The following DNAH2 variants were observed in gnomAD, a reference collection of about 807,000 sequenced individuals.
The protein encoded by DNAH2 is axonemal beta dynein heavy chain 2.
In DNAH2, 323 loss-of-function variants were observed where a neutral mutation model predicts 523.5. That is an observed-to-expected ratio of 0.62 (90% CI 0.56 to 0.68). DNAH2 has a LOEUF of 0.68. Among genes scored for constraint, DNAH2 ranks in the 30% least tolerant of loss-of-function variants. The pLI is 0.00. For missense variants in DNAH2, 4,907 were observed against 5,701.5 expected, an observed-to-expected ratio of 0.86 and a Z score of 4.49; for synonymous variants, 2,093 against 2,177.4, an observed-to-expected ratio of 0.96 and a Z score of 1.08.
At chr17:7,826,176 C>T (rs548030353) in intron 77 of DNAH2, among the ~76,000 whole-genome samples, 5 of 152,312 alleles carry the variant, frequency 3.3e-5, no homozygotes, top group South Asian at 2.1e-4. Flanking sequence ...TGCGCCACTA[C>T]GCCCTACTAA....
chr17:7,802,417 C>T (rs974243018), intron 58 of DNAH2, among the ~76,000 whole-genome samples: 5 of 152,136 alleles, frequency 3.3e-5, no homozygotes, highest in Admixed American at 2.0e-4. Flanking sequence ...CCTCAGCATC[C>T]GTGGGGGATT....
rs1435628409 is a variant in DNAH2 at position 7,793,170 on chromosome 17, T to G, written c.7534T>G (p.Tyr2512Asp). 6.2e-7 allele frequency: 1 copy of G among 1,614,186 alleles called. No individual in the cohort carries two copies. Among genetic ancestry groups the G allele is most frequent in the Non-Finnish European group, 8.5e-7 (1 of 1,180,042 alleles). ...IRLWIDYGFW[Y>D]DRTKQTIKYI... ...CCTCTGGATTGACTATGGCTTCTGG[T>G]ATGACCGTACGAAGCAGACCATCAA... Residue 2512 changes from tyrosine (Y) to aspartate (D), a missense_variant, in exon 48 of 86, where the codon TAT (tyrosine) becomes GAT (aspartate). Tyr to Asp is a radical substitution (Grantham distance 160). Transcript: ENST00000572933.
chr17:7,741,232 CTCTCTCTTTCTTTCTTTCTTTCTTTCTT>C (rs2075307794), intron 11 of DNAH2, among the ~76,000 whole-genome samples: 3 of 119,348 alleles, frequency 2.5e-5, no homozygotes, highest in Non-Finnish European at 3.7e-5. Flanking sequence ...TTTTTTTTCT[CTCTCTCTTTCTTTCTTTCTTTCTTTCTT>C]TCTTTCTTTC....
Position 7,733,188 on chromosome 17 carries a change from T to G in DNAH2, c.501T>G (p.Tyr167Ter). Residue 167 changes from tyrosine (Y) to a stop codon, truncating the protein, a stop_gained, in exon 5 of 86, where the codon TAT becomes TAG. Coordinates refer to ENST00000572933, the MANE Select transcript of DNAH2 (RefSeq NM_020877.5). LOFTEE classifies it high-confidence loss of function. ...TVQFGTVRGP[Y>*]IPALLRLLGG... is the part of the protein sequence containing the mutation. ...AGTTTGGGACGGTGCGGGGCCCCTA[T>G]ATCCCGGCCCTGCTTCGGCTGCTCG... The G allele has an allele frequency of 6.2e-7, 1 of 1,614,224 alleles. No homozygotes were observed.
Position 7,760,930 on chromosome 17 carries a change from C to T in DNAH2, c.2976C>T (p.Ala992=). The change falls in exon 18 of 86, where the codon GCC becomes GCT. Residue 992 remains alanine (A), a splice_region_variant and synonymous_variant. Transcript: ENST00000572933. The surrounding 1 kb of genome is among the most constrained non-coding windows in gnomAD (Gnocchi z 4.0). ...PPVSSFVADI[A]RYTEVANNVQ... Reference sequence around the variant, plus strand: ...TCTCTTCTTTTGTTGCCGACATTGCCCGGTGAGTGGTGAGGGTGGATTGAA... The same window carrying T: ...TCTCTTCTTTTGTTGCCGACATTGCTCGGTGAGTGGTGAGGGTGGATTGAA... 8 of 1,613,778 alleles carry T rather than the reference C, an allele frequency of 5.0e-6. No individual in the cohort carries two copies. Among genetic ancestry groups the T allele is most frequent in the Non-Finnish European group, 6.8e-6 (8 of 1,179,848 alleles).
rs150927708 is a variant in DNAH2 at position 7,818,729 on chromosome 17, C to T, written c.10623C>T (p.Ile3541=). The change falls in exon 70 of 86, where the codon ATC becomes ATT. Residue 3541 remains isoleucine (I), a synonymous_variant. Transcript: ENST00000572933. ...AGAAGGACTCACTGGTCATCAACAT[C>T]GCGGCTGGTAAAAGGAAGCTCAAGG... ...EEQKDSLVIN[I]AAGKRKLKEL... 13 of 1,614,086 alleles carry T rather than the reference C, an allele frequency of 8.1e-6. No homozygotes were observed. Among genetic ancestry groups the T allele is most frequent in the East Asian group, 4.5e-5 (2 of 44,874 alleles).
At chr17:7,719,137 T>C (rs2074515426) in intron 1 of DNAH2, among the ~76,000 whole-genome samples, 1 of 151,164 alleles carries the variant, frequency 6.6e-6, no homozygotes, top group Non-Finnish European at 1.5e-5. Context: ...CTTTTTTTTT[T>C]TTTTTTTTGA....
chr17:7,754,412 T>C lies in DNAH2; in HGVS notation c.1905-2679T>C. The C allele has an allele frequency of 1.6e-6, 1 of 643,312 alleles. No homozygotes were observed. Among genetic ancestry groups the C allele is most frequent in the Non-Finnish European group, 2.8e-6 (1 of 361,248 alleles). The allele number at this position is 643,312 out of a possible 1,614,324, so 39.9% of individuals were successfully genotyped here. Reference sequence around the variant, plus strand: ...TGCAGACATGGCCAAGTCCACACCATACACCACCAGTCCCGAAAATGGCAC... The same window carrying C: ...TGCAGACATGGCCAAGTCCACACCACACACCACCAGTCCCGAAAATGGCAC... On this transcript the variant is annotated intron_variant, in intron 12 of 85. Coordinates refer to ENST00000572933, the MANE Select transcript of DNAH2 (RefSeq NM_020877.5). This position sits in a 1 kb window ranked among gnomAD's most constrained non-coding sequence, Gnocchi z 4.6.
intron 2 of DNAH2, among the ~76,000 whole-genome samples, chr17:7,722,976 TTTTTTTTTTTGAGACA>T (rs1225231445): frequency 7.0e-6 from 1 of 142,082 alleles, no homozygotes; most frequent in Non-Finnish European, 1.5e-5. Context: ...TTTTTTTTTT[TTTTTTTTTTTGAGACA>T]GAGTCTTCGC....
At chr17:7,791,411 T>A (rs1305118181) in intron 44 of DNAH2, among the ~76,000 whole-genome samples, 1 of 152,216 alleles carries the variant, frequency 6.6e-6, no homozygotes, top group African/African-American at 2.4e-5. Context: ...TCATGCTATA[T>A]ACTGCAACAT....
rs1330709722 is a variant in DNAH2, at chr17:7,757,115, A to G, written c.1929A>G (p.Glu643=). The G allele has an allele frequency of 3.1e-6, 5 of 1,614,054 alleles. No individual in the cohort carries two copies. In the South Asian group the frequency reaches 3.3e-5, roughly 11 times the overall value. ...FDKSLLILFA[E]IDYWERLLFE... Reference sequence around the variant, plus strand: ...GGTCCCTTCTGATTCTCTTTGCGGAAATTGACTACTGGGAGCGGCTGCTGT... The same window carrying G: ...GGTCCCTTCTGATTCTCTTTGCGGAGATTGACTACTGGGAGCGGCTGCTGT... The change falls in exon 13 of 86, where the codon GAA becomes GAG. Residue 643 remains glutamate (E), a synonymous_variant. Coordinates refer to ENST00000572933, the MANE Select transcript of DNAH2 (RefSeq NM_020877.5).
At position 7,797,455 on chromosome 17, in the gene DNAH2, A is replaced by G; in HGVS notation, c.8005A>G (p.Ile2669Val). 6.2e-7 allele frequency: 1 copy of G among 1,614,196 alleles called. No homozygotes were observed. Among genetic ancestry groups the G allele is most frequent in the Non-Finnish European group, 8.5e-7 (1 of 1,180,046 alleles). Residue 2669 changes from isoleucine to valine, a missense_variant, in exon 52 of 86, where the codon ATA becomes GTA. By Grantham distance (29) the Ile-to-Val change is conservative (BLOSUM62 3). This residue lies in a region of DNAH2 where 250 missense variants were observed against 371.3 expected (regional missense o/e 0.67). Coordinates refer to ENST00000572933, the MANE Select transcript of DNAH2 (RefSeq NM_020877.5). ...AADTEAFMGIISDKLGSFFDL... is the reference protein window; with the variant it reads ...AADTEAFMGIVSDKLGSFFDL... ...AGACACAGAAGCCTTCATGGGCATC[A>G]TAAGCGACAAGCTCGGCTCCTTCTT...
In DNAH2 at chr17:7,760,948, G is replaced by A. The variant is rs201747492; in HGVS notation, c.2978+16G>A. 3,295 of 1,603,458 alleles carry A rather than the reference G, an allele frequency of 2.1e-3. 63 individuals are homozygous for A. The South Asian group carries it at 0.024, about 12-fold the overall frequency. ...ACATTGCCCGGTGAGTGGTGAGGGT[G>A]GATTGAAAGTCTGTCTGTAGGAGGC... On this transcript the variant is annotated intron_variant, in intron 18 of 85. Coordinates refer to ENST00000572933, the MANE Select transcript of DNAH2 (RefSeq NM_020877.5). This position sits in a 1 kb window ranked among gnomAD's most constrained non-coding sequence, Gnocchi z 4.0.
At chr17:7,722,105 CCT>C (rs2074628332) in intron 2 of DNAH2, among the ~76,000 whole-genome samples, 1 of 151,988 alleles carries the variant, frequency 6.6e-6, no homozygotes, top group South Asian at 2.1e-4. Flanking sequence ...TTCAAGCAAT[CCT>C]CCTGCCTCAG....
chr17:7,738,945 G>A (rs1185278881), intron 8 of DNAH2: 2 of 702,112 alleles, frequency 2.8e-6, no homozygotes, highest in Admixed American at 4.0e-5. Flanking sequence ...GTCGGGGCTG[G>A]GTCCTAGATC....
chr17:7,735,906 C>T (rs889692767), intron 7 of DNAH2, among the ~76,000 whole-genome samples: 5 of 151,924 alleles, frequency 3.3e-5, no homozygotes, highest in Non-Finnish European at 5.9e-5. Context: ...GTGCCCACCA[C>T]CATGCCTGGC....
At position 7,772,605 on chromosome 17, in the gene DNAH2, T is replaced by A. The variant is rs148388178; in HGVS notation, c.4501+1137T>A. 2.1e-4 allele frequency among the ~76,000 whole-genome samples: 32 copies of A among 152,244 alleles called. 1 individual carries two copies. The East Asian group carries it at 5.8e-3, about 28-fold the overall frequency. On this transcript the variant is annotated intron_variant, in intron 28 of 85. Transcript: ENST00000572933. ...ACCTCTGAGTTCACACTCACTAGTG[T>A]CCCTCCTTTCTTCAGAAAGCTAGGA...
chr17:7,780,781 A>G lies in DNAH2; in HGVS notation c.6002A>G (p.Glu2001Gly), dbSNP rs780140964. 1.2e-6 allele frequency: 2 copies of G among 1,614,204 alleles called. No individual in the cohort carries two copies. The highest frequency in any genetic ancestry group is 1.1e-5 in the South Asian group (1 of 91,088). Residue 2001 changes from glutamate to glycine, a missense_variant and splice_region_variant, in exon 38 of 86, where the codon GAG becomes GGG. Coordinates refer to ENST00000572933, the MANE Select transcript of DNAH2 (RefSeq NM_020877.5). The surrounding 1 kb of genome is among the most constrained non-coding windows in gnomAD (Gnocchi z 4.4). ...RRLQPDLTDE[E>G]VLLLSMRDMN... The stretch of plus-strand genomic sequence containing the variant: ...CTACAGCCGGATCTGACTGATGAAG[A>G]GGTAGAGCAAGGACACAGCCTTTGG...
At chr17:7,781,899 C>T (rs190466497) in intron 39 of DNAH2, among the ~76,000 whole-genome samples, 1 of 152,330 alleles carries the variant, frequency 6.6e-6, no homozygotes, top group East Asian at 1.9e-4. Flanking sequence ...TTTTAGAAAG[C>T]ATAAGAACTT....
Sources: gnomAD v4.1 joint callset for allele counts (sites outside exome capture counted in the v4.1 genomes callset) on GRCh38, gnomAD v4.1.1 for gene constraint, gnomAD v4.1.1 regional missense constraint, Gnocchi (gnomAD v3.1) non-coding constraint, MANE v1.5 for transcripts, NCBI Gene and HGNC (gene_info 2026-07-23, HGNC 2026-07-21) for gene names.